Variants in ZKSCAN5 observed in about 807,000 individuals in gnomAD.
The protein encoded by ZKSCAN5 is zinc finger protein with KRAB and SCAN domains 5.
ZKSCAN5 carries 28 observed loss-of-function variants against 60.0 expected under a neutral mutation model. The observed-to-expected ratio is 0.47, with a 90% CI of 0.35 to 0.64. The LOEUF is 0.64. ZKSCAN5 is among the 30% of genes least tolerant of loss of function. The pLI, the probability that ZKSCAN5 is intolerant of heterozygous loss-of-function variation, is 0.01. For synonymous variants in ZKSCAN5, 361 were observed against 371.2 expected (o/e 0.97, Z 0.31); for missense variants, 881 against 1,034.6 (o/e 0.85, Z 2.04).
At position 99,533,851 on chromosome 7, in the gene ZKSCAN5, T is replaced by C. The variant is rs1227159741; in HGVS notation, c.*1602T>C. The stretch of plus-strand genomic sequence containing the variant: ...GGTTCTGAATCCCTGTCTCAGGCTC[T>C]GCTTTAGAGAACCTGATCTAAGACA... On this transcript the variant is annotated 3_prime_UTR_variant, in exon 7 of 7. Transcript: ENST00000326775. 4 of 379,022 alleles carry C rather than the reference T, an allele frequency of 1.1e-5. No individual in the cohort carries two copies. 23.5% of individuals were successfully genotyped at this position (379,022 alleles called of 1,614,324 possible). A position where few individuals can be genotyped will look rare whatever the true frequency, so the allele number is the denominator to read the frequency against.
At position 99,525,810 on chromosome 7, in the gene ZKSCAN5, C is replaced by A; in HGVS notation, c.773-3C>A. 1 of 1,583,326 alleles carries A rather than the reference C, an allele frequency of 6.3e-7. No homozygotes were observed. Among genetic ancestry groups the A allele is most frequent in the Admixed American group, 1.8e-5 (1 of 55,488 alleles). On this transcript the variant is annotated splice_polypyrimidine_tract_variant and splice_region_variant and intron_variant, in intron 5 of 6. Coordinates refer to ENST00000326775, the MANE Select transcript of ZKSCAN5 (RefSeq NM_145102.4). ...TTTTTTAATTCTCCCTCTGTTATTT[C>A]AGGTTATGAGTCCAGGGACAATATG...
chr7:99,506,394 G>A lies in ZKSCAN5; in HGVS notation c.350G>A (p.Ser117Asn). 6.2e-7 allele frequency: 1 copy of A among 1,614,242 alleles called. No homozygotes were observed. The highest frequency in any genetic ancestry group is 8.5e-7 in the Non-Finnish European group (1 of 1,180,046). Residue 117 changes from serine to asparagine, a missense_variant, in exon 2 of 7, where the codon AGT becomes AAT. This residue lies in a region of ZKSCAN5 where 53 missense variants were observed against 88.7 expected (regional missense o/e 0.60). Coordinates refer to ENST00000326775, the MANE Select transcript of ZKSCAN5 (RefSeq NM_145102.4). ...QPWVREHHPESGEEAVAVIEN... is the reference protein window; with the variant it reads ...QPWVREHHPENGEEAVAVIEN... ...TGGGTGAGGGAACATCACCCTGAAA[G>A]TGGAGAAGAGGCGGTGGCCGTGATA... is the stretch of plus-strand genomic sequence containing the variant.
rs753800119 is a variant in ZKSCAN5, at chr7:99,512,490, C to A, written c.452C>A (p.Ala151Glu). The A allele has an allele frequency of 6.2e-7, 1 of 1,613,830 alleles. No individual in the cohort carries two copies. The highest frequency in any genetic ancestry group is 1.1e-5 in the South Asian group (1 of 91,056). ...CCTGATGTGCTTCCTCGGAAGATGGCAACACCTGGAGCAGTGCAGGAGTCC... is the reference window on the plus strand; with the variant it reads ...CCTGATGTGCTTCCTCGGAAGATGGAAACACCTGGAGCAGTGCAGGAGTCC... Reference protein sequence around the residue: ...ACPDVLPRKMATPGAVQESCS... With the variant: ...ACPDVLPRKMETPGAVQESCS... The change falls in exon 3 of 7, where the codon GCA becomes GAA. Residue 151 changes from alanine to glutamate, a missense_variant. Coordinates refer to ENST00000326775, the MANE Select transcript of ZKSCAN5 (RefSeq NM_145102.4).
chr7:99,526,223 G>C lies in ZKSCAN5; in HGVS notation c.1183G>C (p.Val395Leu), dbSNP rs867508889. The change falls in exon 6 of 7, where the codon GTC becomes CTC. Residue 395 changes from valine to leucine, a missense_variant. Around this residue, in one of 5 missense-constraint regions of ZKSCAN5, gnomAD observed 490 missense variants for 554.5 expected, o/e 0.88. Coordinates refer to ENST00000326775, the MANE Select transcript of ZKSCAN5 (RefSeq NM_145102.4). ...GGTGCACCTCACCCAGCACCAGCGC[G>C]TCCACACAGGGGAGAAACCCTACAA... Reference protein sequence around the residue: ...QRVHLTQHQRVHTGEKPYKCQ... With the variant: ...QRVHLTQHQRLHTGEKPYKCQ... The C allele has an allele frequency of 1.2e-6, 2 of 1,614,010 alleles. No homozygotes were observed. The highest frequency in any genetic ancestry group is 1.3e-5 in the African/African-American group (1 of 74,898).
At chr7:99,511,387 C>T (rs1456064084) in intron 2 of ZKSCAN5, among the ~76,000 whole-genome samples, 1 of 152,180 alleles carries the variant, frequency 6.6e-6, no homozygotes, top group Non-Finnish European at 1.5e-5. Context: ...CTGGCCTTCT[C>T]ATGATTCCTG....
Position 99,534,274 on chromosome 7 carries a change from C to T in ZKSCAN5, c.*2025C>T, listed in dbSNP as rs1424037999. ...CCAGGCTAGAGTGCAGTGGTGCAAT[C>T]ACAGCTCACTGCAGCCTTGACCTCC... On this transcript the variant is annotated 3_prime_UTR_variant, in exon 7 of 7. Coordinates refer to ENST00000326775, the MANE Select transcript of ZKSCAN5 (RefSeq NM_145102.4). 6.6e-6 allele frequency: 1 copy of T among 152,294 alleles called. No individual in the cohort carries two copies. Among genetic ancestry groups the T allele is most frequent in the African/African-American group, 2.4e-5 (1 of 41,436 alleles). The allele number at this position is 152,294 out of a possible 1,614,324, so 9.4% of individuals were successfully genotyped here. A position where few individuals can be genotyped will look rare whatever the true frequency, so the allele number is the denominator to read the frequency against.
chr7:99,510,338 A>C (rs1401223958), intron 2 of ZKSCAN5, among the ~76,000 whole-genome samples: 2 of 151,820 alleles, frequency 1.3e-5, no homozygotes, highest in East Asian at 1.9e-4. Flanking sequence ...CTCCGGGTTG[A>C]TTCTCCTGCG....
At chr7:99,521,360 G>A (rs547745933) in intron 5 of ZKSCAN5, among the ~76,000 whole-genome samples, 18 of 152,126 alleles carry the variant, frequency 1.2e-4, no homozygotes, top group Admixed American at 7.2e-4. Flanking sequence ...ACCATGCCCA[G>A]CTAATTTTTG....
Position 99,525,951 on chromosome 7 carries a change from G to T in ZKSCAN5, c.911G>T (p.Gly304Val). The part of the protein sequence containing the change: ...PDFAEVSDLK[G>V]MVQRWQVNPT... ...TTTGCAGAAGTCAGTGACCTTAAAG[G>T]CATGGTACAAAGGTGGCAGGTCAAC... is the stretch of plus-strand genomic sequence containing the variant. The change falls in exon 6 of 7, where the codon GGC (glycine) becomes GTC (valine). Residue 304 changes from glycine (G) to valine (V), a missense_variant. By Grantham distance (109) the Gly-to-Val change is moderately radical (BLOSUM62 -3). This residue lies in a region of ZKSCAN5 where 490 missense variants were observed against 554.5 expected (regional missense o/e 0.88). Transcript: ENST00000326775. 6.2e-7 allele frequency: 1 copy of T among 1,614,022 alleles called. No individual in the cohort carries two copies. The highest frequency in any genetic ancestry group is 8.5e-7 in the Non-Finnish European group (1 of 1,180,024).
intron 2 of ZKSCAN5, among the ~76,000 whole-genome samples, chr7:99,508,409 ATAGC>A (rs1800864372): frequency 6.6e-6 from 1 of 152,092 alleles, no homozygotes; most frequent in East Asian, 1.9e-4. Flanking sequence ...TTTTGTGGCC[ATAGC>A]CTGGTAGAAC....
At chr7:99,530,987 G>T in intron 6 of ZKSCAN5, 121 bp from the exon 7 acceptor site, 1 of 857,206 alleles carries the variant, frequency 1.2e-6, no homozygotes, top group Non-Finnish European at 1.8e-6. Flanking sequence ...AACCCAGGAG[G>T]CAGAGGTTGC....
intron 2 of ZKSCAN5, 126 bp from the exon 3 acceptor site, chr7:99,512,327 G>A (rs979026461): frequency 9.7e-5 from 118 of 1,215,942 alleles, no homozygotes; most frequent in Non-Finnish European, 1.2e-4. Context: ...TAATCAGTGC[G>A]TGGCTCATTG....
chr7:99,507,683 T>G (rs999939780), intron 2 of ZKSCAN5, among the ~76,000 whole-genome samples: 3 of 151,302 alleles, frequency 2.0e-5, no homozygotes, highest in Non-Finnish European at 2.9e-5. Flanking sequence ...GAGGATCACT[T>G]AAGACCAGGA....
chr7:99,507,523 G>GTATATATGTATATATATGTATA (rs1351822202), intron 2 of ZKSCAN5, among the ~76,000 whole-genome samples: 43 of 133,798 alleles, frequency 3.2e-4, no homozygotes, highest in African/African-American at 1.1e-3. Context: ...GTGTATATAT[G>GTATATATGTATATATATGTATA]TATATGTGTA....
chr7:99,506,498 A>C (rs1800737238), intron 2 of ZKSCAN5, 40 bp downstream of exon 2: 1 of 1,563,460 alleles, frequency 6.4e-7, no homozygotes, highest in Admixed American at 1.9e-5. Flanking sequence ...GAAGGAGAGG[A>C]GTGAACCATC....
chr7:99,509,830 C>T (rs1161958321), intron 2 of ZKSCAN5, among the ~76,000 whole-genome samples: 1 of 151,960 alleles, frequency 6.6e-6, no homozygotes, highest in Admixed American at 6.6e-5. Flanking sequence ...TGTTTATATT[C>T]CTTATCTATA....
intron 3 of ZKSCAN5, 23 bp downstream of exon 3, chr7:99,512,614 A>T: frequency 6.2e-7 from 1 of 1,610,888 alleles, no homozygotes; most frequent in African/African-American, 1.3e-5. Context: ...GATTCAGTGG[A>T]ACTGATATAG....
At position 99,522,421 on chromosome 7, in the gene ZKSCAN5, G is replaced by C. The variant is rs185481296; in HGVS notation, c.772+2117G>C. On this transcript the variant is annotated intron_variant, in intron 5 of 6. Coordinates refer to ENST00000326775, the MANE Select transcript of ZKSCAN5 (RefSeq NM_145102.4). ...AGGACTTTGTCTCTAAAGGGGAAGA[G>C]AGTCCTGGTCACTGAAAGAGTAATG... Among the ~76,000 whole-genome samples, 331 of 152,158 alleles carry C rather than the reference G, an allele frequency of 2.2e-3. 2 individuals carry two copies. The highest frequency in any genetic ancestry group is 3.9e-3 in the Non-Finnish European group (268 of 67,992).
At position 99,516,482 on chromosome 7, in the gene ZKSCAN5, T is replaced by C. The variant is rs142721210; in HGVS notation, c.554-3345T>C. On this transcript the variant is annotated intron_variant, in intron 3 of 6. Coordinates refer to ENST00000326775, the MANE Select transcript of ZKSCAN5 (RefSeq NM_145102.4). The stretch of plus-strand genomic sequence containing the variant: ...GTCATTGCTCCTTATTTCCTAGTCA[T>C]TGGAAATCAGCAAGCCACGGATGCC... 5.6e-3 allele frequency among the ~76,000 whole-genome samples: 846 copies of C among 152,220 alleles called. 6 individuals are homozygous for C. The highest frequency in any genetic ancestry group is 0.02 in the African/African-American group (813 of 41,534).
Sources: gnomAD v4.1 joint callset for allele counts (sites outside exome capture counted in the v4.1 genomes callset) on GRCh38, gnomAD v4.1.1 for gene constraint, gnomAD v4.1.1 regional missense constraint, MANE v1.5 for transcripts, NCBI Gene and HGNC (gene_info 2026-07-23, HGNC 2026-07-21) for gene names.